ACKR2: variants seen among roughly 807,000 people sequenced by gnomAD.
ACKR2 encodes the protein atypical chemokine receptor 2, also known as C-C chemokine receptor D6.
For missense variants in ACKR2, 457 were observed against 477.3 expected (o/e 0.96, Z 0.40); for synonymous variants, 207 against 192.2 (o/e 1.08, Z -0.64).
intron 2 of ACKR2, among the ~76,000 whole-genome samples, chr3:42,842,807 A>T (rs1317467500): frequency 6.6e-6 from 1 of 151,654 alleles, no homozygotes; most frequent in Non-Finnish European, 1.5e-5. Flanking sequence ...ACATGGTGAG[A>T]CTCCATCTCT....
chr3:42,864,732 G>A lies in ACKR2; in HGVS notation c.230G>A (p.Arg77His), dbSNP rs773144436. The A allele has an allele frequency of 6.2e-6, 10 of 1,614,156 alleles. No individual in the cohort carries two copies. The highest frequency in any genetic ancestry group is 1.3e-5 in the African/African-American group (1 of 75,034). Residue 77 changes from arginine to histidine, a missense_variant, in exon 3 of 3, where the codon CGC (arginine) becomes CAC (histidine). Arg to His is a conservative substitution (Grantham distance 29). Coordinates refer to ENST00000422265, the MANE Select transcript of ACKR2 (RefSeq NM_001296.5). ...LLMVLLRYVP[R>H]RRMVEIYLLN... ...ATGGTCTTGCTCCGTTACGTGCCTC[G>A]CAGGCGGATGGTTGAGATCTATCTG...
At chr3:42,851,477 G>T in intron 2 of ACKR2, 1 of 979,724 alleles carries the variant, frequency 1.0e-6, no homozygotes, top group Non-Finnish European at 1.2e-6. Flanking sequence ...CATACTCGGG[G>T]TGTGGGGTGG....
chr3:42,865,139 C>T lies in ACKR2; in HGVS notation c.637C>T (p.Gln213Ter), dbSNP rs2088422622. ...CATTTGGAAGCTCTTCCTCCGCTTCCAGCAGAACCTCCTAGGGTTTCTCCT... is the reference window on the plus strand; with the variant it reads ...CATTTGGAAGCTCTTCCTCCGCTTCTAGCAGAACCTCCTAGGGTTTCTCCT... ...GTIWKLFLRFQQNLLGFLLPL... is the reference protein window; with the variant it reads ...GTIWKLFLRF The change falls in exon 3 of 3, where the codon CAG becomes TAG. Residue 213 changes from glutamine (Q) to a stop codon, truncating the protein, a stop_gained. Coordinates refer to ENST00000422265, the MANE Select transcript of ACKR2 (RefSeq NM_001296.5). LOFTEE classifies it low-confidence loss of function (END_TRUNC). 6.2e-7 allele frequency: 1 copy of T among 1,614,014 alleles called. No homozygotes were observed. The highest frequency in any genetic ancestry group is 8.5e-7 in the Non-Finnish European group (1 of 1,179,968).
intron 1 of ACKR2, among the ~76,000 whole-genome samples, chr3:42,819,196 A>G (rs556172334): frequency 2.6e-5 from 4 of 152,274 alleles, no homozygotes; most frequent in African/African-American, 9.6e-5. Context: ...GAGTAGGAAG[A>G]CTTTGGTCTT....
intron 2 of ACKR2, among the ~76,000 whole-genome samples, chr3:42,863,797 G>A: frequency 6.6e-6 from 1 of 152,128 alleles, no homozygotes; most frequent in East Asian, 1.9e-4. Flanking sequence ...CTCATAAGTG[G>A]GAGTTGAACA....
chr3:42,816,755 A>G (rs1276922620), intron 1 of ACKR2, among the ~76,000 whole-genome samples: 2 of 151,896 alleles, frequency 1.3e-5, no homozygotes, highest in Non-Finnish European at 2.9e-5. Context: ...ACAGGGTTTC[A>G]CCACGTTGGC....
chr3:42,834,129 T>C (rs1042111151), intron 2 of ACKR2, among the ~76,000 whole-genome samples: 3 of 152,166 alleles, frequency 2.0e-5, no homozygotes, highest in Non-Finnish European at 4.4e-5. Flanking sequence ...CGGCTAATTT[T>C]GTATTTTTAG....
chr3:42,824,725 T>C (rs538794304), intron 2 of ACKR2, among the ~76,000 whole-genome samples: 1 of 152,340 alleles, frequency 6.6e-6, no homozygotes, highest in East Asian at 1.9e-4. Context: ...TACCACACTT[T>C]GCTTATCCAT....
At chr3:42,825,868 T>TG (rs577060238) in intron 2 of ACKR2, among the ~76,000 whole-genome samples, 16 of 151,158 alleles carry the variant, frequency 1.1e-4, no homozygotes, top group South Asian at 6.3e-4. Flanking sequence ...TTTTTTTGTT[T>TG]TTTTTTTTTG....
At chr3:42,812,585 T>C (rs1700706730) in intron 1 of ACKR2, among the ~76,000 whole-genome samples, 1 of 151,988 alleles carries the variant, frequency 6.6e-6, no homozygotes, top group Non-Finnish European at 1.5e-5. Flanking sequence ...TCTGTTTGCT[T>C]GCTTACCTCT....
At chr3:42,837,640 C>T (rs958800768) in intron 2 of ACKR2, among the ~76,000 whole-genome samples, 1 of 152,114 alleles carries the variant, frequency 6.6e-6, no homozygotes, top group African/African-American at 2.4e-5. Flanking sequence ...TTGGATGGTG[C>T]CCGCCCACAT....
chr3:42,842,785 C>A (rs1245526759), intron 2 of ACKR2, among the ~76,000 whole-genome samples: 2 of 151,896 alleles, frequency 1.3e-5, no homozygotes, highest in Admixed American at 1.3e-4. Context: ...GAGTTTGAGA[C>A]CAGCTTGGCC....
At chr3:42,812,869 A>G (rs1443818494) in intron 1 of ACKR2, among the ~76,000 whole-genome samples, 1 of 151,556 alleles carries the variant, frequency 6.6e-6, no homozygotes, top group Non-Finnish European at 1.5e-5. Context: ...TTGTATTTTT[A>G]GTAGAGACAG....
At chr3:42,855,032 T>G (rs2125621334) in intron 2 of ACKR2, among the ~76,000 whole-genome samples, 1 of 152,132 alleles carries the variant, frequency 6.6e-6, no homozygotes, top group East Asian at 1.9e-4. Context: ...ATTTTTTGTA[T>G]TTTTAGTAGA....
chr3:42,864,742 G>A lies in ACKR2; in HGVS notation c.240G>A (p.Met80Ile), dbSNP rs2088416119. Residue 80 changes from methionine to isoleucine, a missense_variant, in exon 3 of 3, where the codon ATG (methionine) becomes ATA (isoleucine). Transcript: ENST00000422265. Reference sequence around the variant, plus strand: ...TCCGTTACGTGCCTCGCAGGCGGATGGTTGAGATCTATCTGCTGAATCTGG... The same window carrying A: ...TCCGTTACGTGCCTCGCAGGCGGATAGTTGAGATCTATCTGCTGAATCTGG... ...VLLRYVPRRRMVEIYLLNLAI... is the reference protein window; with the variant it reads ...VLLRYVPRRRIVEIYLLNLAI... 6.2e-7 allele frequency: 1 copy of A among 1,614,066 alleles called. No individual in the cohort carries two copies. The highest frequency in any genetic ancestry group is 1.7e-5 in the Admixed American group (1 of 60,000).
intron 1 of ACKR2, among the ~76,000 whole-genome samples, chr3:42,818,634 T>C (rs1700777523): frequency 6.6e-6 from 1 of 152,314 alleles, no homozygotes; most frequent in African/African-American, 2.4e-5. Context: ...CGATCTCGGC[T>C]CACTGCAACC....
At chr3:42,809,801 G>T (rs1213991152) in intron 1 of ACKR2, among the ~76,000 whole-genome samples, 1 of 151,860 alleles carries the variant, frequency 6.6e-6, no homozygotes, top group Non-Finnish European at 1.5e-5. Context: ...GGCAGAGGTT[G>T]CAGTGACCCG....
intron 2 of ACKR2, among the ~76,000 whole-genome samples, chr3:42,840,452 C>G (rs573139451): frequency 6.6e-6 from 1 of 151,982 alleles, no homozygotes; most frequent in Non-Finnish European, 1.5e-5. Flanking sequence ...ACTATCCCCA[C>G]GCATTGTTTG....
intron 1 of ACKR2, among the ~76,000 whole-genome samples, chr3:42,818,028 T>C (rs577221733): frequency 1.3e-5 from 2 of 152,300 alleles, no homozygotes; most frequent in Non-Finnish European, 2.9e-5. Flanking sequence ...TCATGTACTT[T>C]TATGGTTTTT....
Sources: allele counts gnomAD v4.1 joint callset (sites outside exome capture counted in the v4.1 genomes callset), GRCh38; gene constraint gnomAD v4.1.1; transcripts MANE v1.5; gene names NCBI Gene and HGNC (gene_info 2026-07-23, HGNC 2026-07-21).